DNAH12: variants seen among roughly 807,000 people sequenced by gnomAD.
DNAH12 encodes dynein axonemal heavy chain 12, also known as axonemal beta dynein heavy chain 12.
DNAH12 carries 285 observed loss-of-function variants against 371.5 expected under a neutral mutation model. The ratio of observed to expected loss-of-function variants is 0.77; its 90% CI spans 0.70 to 0.85. DNAH12 has a LOEUF of 0.85. Ranked by LOEUF, DNAH12 falls within the 40% of genes least tolerant of loss-of-function variation. The pLI is 0.00. For synonymous variants in DNAH12, 1,200 were observed against 1,213.0 expected, an observed-to-expected ratio of 0.99 and a Z score of 0.22; for missense variants, 3,611 against 3,689.4, an observed-to-expected ratio of 0.98 and a Z score of 0.55.
intron 13 of DNAH12, among the ~76,000 whole-genome samples, chr3:57,474,900 C>T (rs545089357): frequency 1.2e-3 from 175 of 151,610 alleles, no homozygotes; most frequent in African/African-American, 3.9e-3. Context: ...CTCTTGAACC[C>T]GGGAGGCAGA....
intron 29 of DNAH12, 111 bp from the exon 30 acceptor site, chr3:57,437,171 TTTA>T: frequency 1.4e-6 from 1 of 715,784 alleles, no homozygotes; most frequent in Non-Finnish European, 2.3e-6. Context: ...ATCATCATTG[TTTA>T]TTATTTCTTA....
At chr3:57,381,871 A>ATT (rs1319701297) in intron 50 of DNAH12, among the ~76,000 whole-genome samples, 2,451 of 128,252 alleles carry the variant, frequency 0.019, 42 homozygotes, top group African/African-American at 0.044. Context: ...AACCATATAT[A>ATT]TATATTTTTT....
chr3:57,514,041 A>G (rs2068093752), intron 4 of DNAH12, among the ~76,000 whole-genome samples: 1 of 152,216 alleles, frequency 6.6e-6, no homozygotes, highest in South Asian at 2.1e-4. Flanking sequence ...AATAGTGAAA[A>G]ATGAGAAAGA....
chr3:57,438,077 G>A (rs1292643447), intron 29 of DNAH12, among the ~76,000 whole-genome samples: 1 of 152,158 alleles, frequency 6.6e-6, no homozygotes. Flanking sequence ...GGGAGGCCAA[G>A]GCGGGTGGAT....
At position 57,382,305 on chromosome 3, in the gene DNAH12, A is replaced by G. The variant is rs992972184; in HGVS notation, c.7949T>C (p.Ile2650Thr). 7 of 152,288 alleles carry G rather than the reference A, an allele frequency of 4.6e-5. No individual in the cohort carries two copies. Among genetic ancestry groups the G allele is most frequent in the Non-Finnish European group, 8.8e-5 (6 of 68,022 alleles). 9.4% of individuals were successfully genotyped at this position (152,288 alleles called of 1,614,324 possible). ...VMAAVCVMKD[I>T]KPEKISDPSG... Reference sequence around the variant, plus strand: ...AGGATCTGAAATTTTTTCTGGTTTTATATCTTTCATGACACAAACAGCAGC... The same window carrying G: ...AGGATCTGAAATTTTTTCTGGTTTTGTATCTTTCATGACACAAACAGCAGC... Residue 2650 changes from isoleucine to threonine, a missense_variant, in exon 50 of 74, where the codon ATA (isoleucine) becomes ACA (threonine). Ile to Thr is a moderately conservative substitution (Grantham distance 89, BLOSUM62 -1). This residue lies in a region of DNAH12 where 2,266 missense variants were observed against 2,236.9 expected (regional missense o/e 1.01). Transcript: ENST00000495027.
chr3:57,420,388 A>G lies in DNAH12; in HGVS notation c.5563-870T>C, dbSNP rs908197604. ...GTACACGTATATGTTACATGTTTGAATTGTGGTAACTTTGTAAGTTTGGGT... is the reference window on the plus strand; with the variant it reads ...GTACACGTATATGTTACATGTTTGAGTTGTGGTAACTTTGTAAGTTTGGGT... On this transcript the variant is annotated intron_variant, in intron 36 of 73. Transcript: ENST00000495027. Among the ~76,000 whole-genome samples the G allele has an allele frequency of 2.0e-5, 3 of 152,294 alleles. No individual in the cohort carries two copies. The South Asian group carries it at 6.2e-4, about 32-fold the overall frequency.
intron 2 of DNAH12, among the ~76,000 whole-genome samples, chr3:57,541,039 C>G (rs1025758632): frequency 6.6e-6 from 1 of 151,742 alleles, no homozygotes; most frequent in Non-Finnish European, 1.5e-5. Flanking sequence ...GCATCTCTCC[C>G]CCTCCCTTTT....
At chr3:57,305,367 A>T (rs1170604453) in intron 69 of DNAH12, among the ~76,000 whole-genome samples, 2 of 151,824 alleles carry the variant, frequency 1.3e-5, no homozygotes. Flanking sequence ...CGCCAGGCCG[A>T]GCTAGGTCCC....
intron 66 of DNAH12, among the ~76,000 whole-genome samples, chr3:57,314,122 G>A (rs1390904259): frequency 6.6e-6 from 1 of 152,192 alleles, no homozygotes; most frequent in Non-Finnish European, 1.5e-5. Flanking sequence ...ACCAAGTGGA[G>A]GAAAGTAGAG....
chr3:57,447,519 A>G (rs911697838), intron 25 of DNAH12, among the ~76,000 whole-genome samples: 1 of 152,204 alleles, frequency 6.6e-6, no homozygotes, highest in African/African-American at 2.4e-5. Context: ...GTTTGCTCTT[A>G]ATTTTGCTAT....
intron 41 of DNAH12, among the ~76,000 whole-genome samples, 152 bp from the exon 42 acceptor site, chr3:57,405,299 T>C (rs1313746486): frequency 6.6e-6 from 1 of 152,202 alleles, no homozygotes; most frequent in Admixed American, 6.5e-5. Context: ...ATACCTGAAA[T>C]TATATCCTTA....
chr3:57,426,828 GAAA>G (rs559705189), intron 34 of DNAH12, among the ~76,000 whole-genome samples: 1,294 of 92,936 alleles, frequency 0.014, 13 homozygotes, highest in African/African-American at 0.044. Flanking sequence ...GACTGTCTCA[GAAA>G]AAAAAAAAAA....
chr3:57,384,071 T>G (rs1367809489), intron 49 of DNAH12, among the ~76,000 whole-genome samples: 2 of 152,136 alleles, frequency 1.3e-5, no homozygotes, highest in African/African-American at 4.8e-5. Context: ...TCAACAGATG[T>G]TATCTCTCCT....
intron 24 of DNAH12, 36 bp downstream of exon 24, chr3:57,453,211 A>G: frequency 6.6e-7 from 1 of 1,510,920 alleles, no homozygotes; most frequent in East Asian, 2.5e-5. Flanking sequence ...TGCTATCAAC[A>G]TTTTATCTTT....
At chr3:57,295,450 T>C (rs1305871310) in intron 73 of DNAH12, 75 bp downstream of exon 73, 10 of 1,278,916 alleles carry the variant, frequency 7.8e-6, no homozygotes, top group Non-Finnish European at 1.1e-5. Context: ...CAAAAACTTA[T>C]TTTGGGGAGC....
At chr3:57,319,519 G>T (rs1371513686) in intron 65 of DNAH12, among the ~76,000 whole-genome samples, 1 of 151,990 alleles carries the variant, frequency 6.6e-6, no homozygotes, top group African/African-American at 2.4e-5. Context: ...TTTCATATTG[G>T]CTTTTATTAT....
intron 30 of DNAH12, among the ~76,000 whole-genome samples, chr3:57,434,588 CATAATA>C (rs1182138511): frequency 6.6e-6 from 1 of 151,746 alleles, no homozygotes; most frequent in African/African-American, 2.4e-5. Context: ...ATATTCTTGC[CATAATA>C]ATAATAATAA....
intron 58 of DNAH12, 128 bp from the exon 59 acceptor site, chr3:57,357,476 T>C (rs1225126733): frequency 6.6e-6 from 1 of 151,834 alleles, no homozygotes; most frequent in East Asian, 1.9e-4. Flanking sequence ...TTAAGTATGG[T>C]TTACAAGAGA....
In DNAH12 at chr3:57,323,132, A is replaced by C; in HGVS notation, c.10258T>G (p.Cys3420Gly). The part of the protein sequence containing the change: ...KAAIEEGTWV[C>G]LQNCHLAVSW... Reference sequence around the variant, plus strand: ...ACTGCAAGATGGCAATTCTGTAGGCACACCCAAGTTCCTTCTTCAATTGCT... The same window carrying C: ...ACTGCAAGATGGCAATTCTGTAGGCCCACCCAAGTTCCTTCTTCAATTGCT... Residue 3420 changes from cysteine to glycine, a missense_variant, in exon 64 of 74, where the codon TGC (cysteine) becomes GGC (glycine). By Grantham distance (159) the Cys-to-Gly change is radical (BLOSUM62 -3). Transcript: ENST00000495027. The C allele has an allele frequency of 6.4e-7, 1 of 1,552,434 alleles. No individual in the cohort carries two copies. Among genetic ancestry groups the C allele is most frequent in the Non-Finnish European group, 8.7e-7 (1 of 1,147,152 alleles).
Sources: gnomAD v4.1 joint callset for allele counts (sites outside exome capture counted in the v4.1 genomes callset) on GRCh38, gnomAD v4.1.1 for gene constraint, gnomAD v4.1.1 regional missense constraint, MANE v1.5 for transcripts, NCBI Gene and HGNC (gene_info 2026-07-23, HGNC 2026-07-21) for gene names.